GLI3: variants seen among roughly 807,000 people sequenced by gnomAD.
GLI3 encodes the protein GLI family zinc finger 3.
GLI3 carries 20 observed loss-of-function variants against 100.8 expected under a neutral mutation model. The ratio of observed to expected loss-of-function variants is 0.20; its 90% CI spans 0.14 to 0.29. The LOEUF is 0.29. GLI3 is among the 10% of genes least tolerant of loss of function. GLI3 has a pLI of 1.00. For synonymous variants in GLI3, 938 were observed against 860.5 expected, an observed-to-expected ratio of 1.09 and a Z score of -1.58; for missense variants, 2,040 against 2,128.5, an observed-to-expected ratio of 0.96 and a Z score of 0.82.
At chr7:42,168,001 G>A (rs1787278037) in intron 2 of GLI3, among the ~76,000 whole-genome samples, 2 of 152,122 alleles carry the variant, frequency 1.3e-5, no homozygotes, top group Admixed American at 1.3e-4. Flanking sequence ...AACCTAGGAA[G>A]GTTGCTTATA....
intron 3 of GLI3, among the ~76,000 whole-genome samples, chr7:42,097,054 C>T (rs948339536): frequency 6.6e-6 from 1 of 152,132 alleles, no homozygotes; most frequent in Non-Finnish European, 1.5e-5. Context: ...CCAGACTAGG[C>T]ATGCAGTGGG....
chr7:42,005,817 A>T (rs1788444621), intron 10 of GLI3, among the ~76,000 whole-genome samples: 1 of 152,196 alleles, frequency 6.6e-6, no homozygotes, highest in Admixed American at 6.5e-5. Context: ...GACCAAAGAC[A>T]GGGTTCCCCT....
At chr7:42,050,560 T>G (rs1054403860) in intron 4 of GLI3, among the ~76,000 whole-genome samples, 5 of 152,236 alleles carry the variant, frequency 3.3e-5, no homozygotes, top group African/African-American at 1.2e-4. Context: ...TCATTTATTC[T>G]TCACAAGAAA....
At chr7:41,978,185 C>G (rs980674764) in intron 11 of GLI3, among the ~76,000 whole-genome samples, 1 of 152,180 alleles carries the variant, frequency 6.6e-6, no homozygotes, top group Non-Finnish European at 1.5e-5. Context: ...TGCGGCACCC[C>G]CTTCCCATTC....
At chr7:42,056,310 C>T (rs950838513) in intron 4 of GLI3, among the ~76,000 whole-genome samples, 1 of 152,112 alleles carries the variant, frequency 6.6e-6, no homozygotes, top group Non-Finnish European at 1.5e-5. Flanking sequence ...TCTGAAAGAG[C>T]CTACAGTCAA....
rs544179564 is a variant in GLI3, at chr7:42,181,415, A to C, written c.125-32947T>G. 1.6e-3 allele frequency among the ~76,000 whole-genome samples: 239 copies of C among 152,190 alleles called. 1 individual carries two copies. The highest frequency in any genetic ancestry group is 2.6e-3 in the Non-Finnish European group (179 of 68,002). On this transcript the variant is annotated intron_variant, in intron 2 of 14. Transcript: ENST00000395925. ...CAGGAGTTCAAGACCAGCTTGGGCA[A>C]CATGATGAAACCCTGTCTCTATAAA...
intron 2 of GLI3, among the ~76,000 whole-genome samples, chr7:42,221,136 G>A (rs997494971): frequency 2.0e-5 from 3 of 152,128 alleles, no homozygotes; most frequent in Admixed American, 6.5e-5. Context: ...GTTTTATCTC[G>A]TGGCTTTCTG....
intron 1 of GLI3, chr7:42,227,689 G>C (rs1295751318): frequency 6.6e-6 from 1 of 152,176 alleles, no homozygotes; most frequent in East Asian, 1.9e-4. Flanking sequence ...TTGAAAGTAA[G>C]CAAGAGAACA....
intron 11 of GLI3, 52 bp from the exon 12 acceptor site, chr7:41,977,774 T>A (rs1314314666): frequency 6.7e-7 from 1 of 1,498,100 alleles, no homozygotes. Flanking sequence ...AACAGCAGCT[T>A]ATGCCTAACA....
Position 42,048,396 on chromosome 7 carries a change from C to T in GLI3, c.679+95G>A. On this transcript the variant is annotated intron_variant, in intron 5 of 14. Coordinates refer to ENST00000395925, the MANE Select transcript of GLI3 (RefSeq NM_000168.6). ...CACAGCGCCTGGCACATGGGAAACA[C>T]TCACTAAACATCAGGTCTACTTTAT... 3 of 872,192 alleles carry T rather than the reference C, an allele frequency of 3.4e-6. No individual in the cohort carries two copies. The Admixed American group carries it at 5.1e-5, about 15-fold the overall frequency. The allele number at this position is 872,192 out of a possible 1,614,324, so 54.0% of individuals were successfully genotyped here.
At chr7:42,233,498 T>C (rs1023282104) in intron 1 of GLI3, among the ~76,000 whole-genome samples, 1 of 152,222 alleles carries the variant, frequency 6.6e-6, no homozygotes, top group Non-Finnish European at 1.5e-5. Context: ...ATAGAGACGT[T>C]TGACTGCTGC....
chr7:42,135,773 A>G (rs1786414004), intron 3 of GLI3, among the ~76,000 whole-genome samples: 1 of 152,170 alleles, frequency 6.6e-6, no homozygotes. Context: ...CTTTTAGTTT[A>G]TCTGAGACAC....
chr7:42,129,504 G>A lies in GLI3; in HGVS notation c.367+18722C>T, dbSNP rs1402092424. Among the ~76,000 whole-genome samples the A allele has an allele frequency of 5.9e-5, 9 of 152,230 alleles. No homozygotes were observed. In the East Asian group the frequency reaches 1.3e-3, roughly 23 times the overall value. On this transcript the variant is annotated intron_variant, in intron 3 of 14. Coordinates refer to ENST00000395925, the MANE Select transcript of GLI3 (RefSeq NM_000168.6). The stretch of plus-strand genomic sequence containing the variant: ...GAGGGCAAAGAAACAGGTGGCAGCT[G>A]ATTCACCTAAGAAGCCATGGGCTGG...
chr7:42,019,986 T>A (rs1788890457), intron 10 of GLI3, among the ~76,000 whole-genome samples: 1 of 152,084 alleles, frequency 6.6e-6, no homozygotes, highest in Non-Finnish European at 1.5e-5. Flanking sequence ...CTAAGCCCAG[T>A]TGTAATTATA....
At chr7:42,239,356 G>A (rs1047859526), upstream of GLI3, among the ~76,000 whole-genome samples, 1 of 152,164 alleles carries the variant, frequency 6.6e-6, no homozygotes, top group African/African-American at 2.4e-5. Flanking sequence ...ATGGCTGAGG[G>A]TTTCCAATGA....
intron 3 of GLI3, among the ~76,000 whole-genome samples, chr7:42,080,673 G>T (rs1448389123): frequency 6.6e-6 from 1 of 152,210 alleles, no homozygotes; most frequent in African/African-American, 2.4e-5. Flanking sequence ...ATGAAAAGCA[G>T]TATGGGCATG....
rs1312351357 is a variant in GLI3 at position 42,245,802 on chromosome 7, C to A, written c.-43+18192G>T. Among the ~76,000 whole-genome samples the A allele has an allele frequency of 2.0e-5, 3 of 151,630 alleles. No individual in the cohort carries two copies. In the East Asian group the frequency reaches 5.8e-4, roughly 29 times the overall value. On this transcript the variant is annotated intron_variant, in intron 1 of 2. Coordinates refer to the GLI3 transcript ENST00000678978. Reference sequence around the variant, plus strand: ...ATAGGCAATCAACTTGATTTCATCACCCCTTATTTTAAAGATACTTAGAGT... The same window carrying A: ...ATAGGCAATCAACTTGATTTCATCAACCCTTATTTTAAAGATACTTAGAGT...
In GLI3 at chr7:42,263,211, G is replaced by C. The variant is rs544328475; in HGVS notation, c.-43+783C>G. Among the ~76,000 whole-genome samples the C allele has an allele frequency of 2.2e-4, 33 of 152,232 alleles. No homozygotes were observed. In the South Asian group the frequency reaches 6.8e-3, roughly 32 times the overall value. The stretch of plus-strand genomic sequence containing the variant: ...TAGATACAAAATGAGAGAAGCAAAG[G>C]CTCTTTCCTGGCTATGACAAGAGCT... On this transcript the variant is annotated intron_variant, in intron 1 of 2. Coordinates refer to the GLI3 transcript ENST00000678978.
At chr7:42,235,210 T>C (rs149733694) in intron 1 of GLI3, among the ~76,000 whole-genome samples, 266 of 152,350 alleles carry the variant, frequency 1.7e-3, no homozygotes, top group African/African-American at 6.0e-3. Flanking sequence ...ATCTAAAACC[T>C]AAATGAAATA....
Sources: allele counts gnomAD v4.1 joint callset (sites outside exome capture counted in the v4.1 genomes callset), GRCh38; gene constraint gnomAD v4.1.1; transcripts MANE v1.5; gene names NCBI Gene and HGNC (gene_info 2026-07-23, HGNC 2026-07-21).